Variants in DPP10 observed in about 807,000 individuals in gnomAD.
DPP10 encodes dipeptidyl peptidase like 10.
A neutral mutation model predicts 120.9 loss-of-function variants in DPP10; 33 were observed. That is an observed-to-expected ratio of 0.27 (90% confidence interval 0.21 to 0.37). DPP10 has a LOEUF of 0.37. Ranked by LOEUF, DPP10 falls within the 10% of genes least tolerant of loss-of-function variation. The pLI is 1.00. For synonymous variants in DPP10, 337 were observed against 326.1 expected, an observed-to-expected ratio of 1.03 and a Z score of -0.36; for missense variants, 816 against 942.8, an observed-to-expected ratio of 0.87 and a Z score of 1.76.
At chr2:115,136,045 A>G (rs1392393198) in intron 1 of DPP10, among the ~76,000 whole-genome samples, 1 of 152,100 alleles carries the variant, frequency 6.6e-6, no homozygotes, top group African/African-American at 2.4e-5. Context: ...ATTTGTTTAA[A>G]TTATTTATAT....
chr2:115,520,872 G>A (rs1034129652), intron 4 of DPP10, among the ~76,000 whole-genome samples: 16 of 152,146 alleles, frequency 1.1e-4, no homozygotes, highest in African/African-American at 3.9e-4. Flanking sequence ...TCTGACAAAA[G>A]TGAATCATTG....
Position 114,999,562 on chromosome 2 carries a change from G to C in DPP10, c.61-309677G>C, listed in dbSNP as rs568150305. Among the ~76,000 whole-genome samples, 5 of 152,274 alleles carry C rather than the reference G, an allele frequency of 3.3e-5. No individual in the cohort carries two copies. The East Asian group carries it at 7.7e-4, about 24-fold the overall frequency. ...TGTGCTCTGCAGCTGCATTAAAAATGTTCTCTTTCCTTGCTCACCTCCTGT... is the reference window on the plus strand; with the variant it reads ...TGTGCTCTGCAGCTGCATTAAAAATCTTCTCTTTCCTTGCTCACCTCCTGT... On this transcript the variant is annotated intron_variant, in intron 1 of 25. Coordinates refer to ENST00000410059, the MANE Select transcript of DPP10 (RefSeq NM_020868.6).
At chr2:115,760,156 A>T (rs572502996) in intron 11 of DPP10, among the ~76,000 whole-genome samples, 66 of 152,342 alleles carry the variant, frequency 4.3e-4, no homozygotes, top group African/African-American at 1.5e-3. Context: ...ATAGCTAAAA[A>T]GTAGAGACTA....
At chr2:114,817,992 A>G (rs1685777226) in intron 1 of DPP10, among the ~76,000 whole-genome samples, 1 of 152,224 alleles carries the variant, frequency 6.6e-6, no homozygotes, top group Non-Finnish European at 1.5e-5. Flanking sequence ...TTGAAGGATT[A>G]GAAAATACCT....
At chr2:115,441,817 CT>C (rs561102084) in intron 3 of DPP10, among the ~76,000 whole-genome samples, 13,874 of 124,338 alleles carry the variant, frequency 0.11, 1,104 homozygotes, top group African/African-American at 0.29. Flanking sequence ...TTCTTTCTTT[CT>C]TTTTTTTTTT....
At chr2:114,667,791 T>C (rs1158095931) in intron 1 of DPP10, among the ~76,000 whole-genome samples, 1 of 152,174 alleles carries the variant, frequency 6.6e-6, no homozygotes, top group Non-Finnish European at 1.5e-5. Flanking sequence ...AAGAATGCAA[T>C]CTAAGTTTAA....
At chr2:114,513,253 T>TG (rs1381218375) in intron 1 of DPP10, among the ~76,000 whole-genome samples, 1 of 152,168 alleles carries the variant, frequency 6.6e-6, no homozygotes, top group East Asian at 1.9e-4. Flanking sequence ...CTGGGCACGG[T>TG]GGCTAACGCC....
At chr2:114,649,696 A>G (rs1302341671) in intron 1 of DPP10, among the ~76,000 whole-genome samples, 1 of 152,168 alleles carries the variant, frequency 6.6e-6, no homozygotes, top group South Asian at 2.1e-4. Context: ...ACACTATTTT[A>G]TAGGATTTTA....
In DPP10 at chr2:114,519,868, C is replaced by T. The variant is rs148466963; in HGVS notation, c.60+77030C>T. 6.0e-4 allele frequency among the ~76,000 whole-genome samples: 91 copies of T among 152,254 alleles called. 1 individual carries two copies. Among genetic ancestry groups the T allele is most frequent in the African/African-American group, 2.2e-3 (90 of 41,554 alleles). On this transcript the variant is annotated intron_variant, in intron 1 of 25. Coordinates refer to ENST00000410059, the MANE Select transcript of DPP10 (RefSeq NM_020868.6). Reference sequence around the variant, plus strand: ...TGTTTTAGAAGTCTACAAAATATACCCTTACTCATTCACCTGTGGGATTTA... The same window carrying T: ...TGTTTTAGAAGTCTACAAAATATACTCTTACTCATTCACCTGTGGGATTTA...
At chr2:115,833,990 A>T (rs1169806219) in intron 21 of DPP10, among the ~76,000 whole-genome samples, 2 of 152,160 alleles carry the variant, frequency 1.3e-5, no homozygotes, top group African/African-American at 2.4e-5. Context: ...AAAATGGGCT[A>T]CTTCCAGATT....
intron 5 of DPP10, among the ~76,000 whole-genome samples, chr2:115,668,544 T>C (rs894067741): frequency 2.0e-5 from 3 of 152,108 alleles, no homozygotes; most frequent in African/African-American, 7.2e-5. Context: ...GGTACCCTAT[T>C]ATAGCAGCAG....
At chr2:114,455,254 G>A (rs1255830534) in intron 1 of DPP10, among the ~76,000 whole-genome samples, 4 of 150,682 alleles carry the variant, frequency 2.7e-5, no homozygotes, top group Admixed American at 6.6e-5. Flanking sequence ...TTTTAAAAAC[G>A]TAAATACAGG....
intron 1 of DPP10, among the ~76,000 whole-genome samples, chr2:114,624,510 C>T (rs189541107): frequency 6.6e-6 from 1 of 151,854 alleles, no homozygotes; most frequent in East Asian, 1.9e-4. Context: ...GGCTTCAAAC[C>T]CCATCTGTCA....
intron 1 of DPP10, among the ~76,000 whole-genome samples, chr2:114,684,343 A>G (rs1466397323): frequency 6.6e-6 from 1 of 151,968 alleles, no homozygotes; most frequent in East Asian, 1.9e-4. Flanking sequence ...TGTGGTGCTC[A>G]GTGTGACATG....
chr2:115,821,784 A>G (rs1408477526), intron 21 of DPP10, among the ~76,000 whole-genome samples: 1 of 151,980 alleles, frequency 6.6e-6, no homozygotes, highest in Non-Finnish European at 1.5e-5. Flanking sequence ...CCATTCACCT[A>G]CGGATGAACA....
At chr2:114,571,827 A>G (rs1427133007) in intron 1 of DPP10, among the ~76,000 whole-genome samples, 1 of 147,904 alleles carries the variant, frequency 6.8e-6, no homozygotes, top group African/African-American at 2.5e-5. Context: ...TATATTCTGT[A>G]TATGTAGTAT....
At chr2:114,721,014 A>C (rs1301968847) in intron 1 of DPP10, among the ~76,000 whole-genome samples, 1 of 151,948 alleles carries the variant, frequency 6.6e-6, no homozygotes, top group Admixed American at 6.5e-5. Context: ...AACAAGAAAC[A>C]CTTTTGAGGG....
intron 3 of DPP10, chr2:115,440,860 G>A (rs1339384212): frequency 6.6e-6 from 1 of 152,138 alleles, no homozygotes; most frequent in African/African-American, 2.4e-5. Flanking sequence ...AAAAATCCTG[G>A]GAACTTCATA....
chr2:115,548,355 G>T (rs1300971270), intron 5 of DPP10, among the ~76,000 whole-genome samples: 1 of 152,052 alleles, frequency 6.6e-6, no homozygotes, highest in Non-Finnish European at 1.5e-5. Context: ...CAAGTAACTC[G>T]AGTCCAGCAG....
Sources: allele counts gnomAD v4.1 joint callset (sites outside exome capture counted in the v4.1 genomes callset), GRCh38; gene constraint gnomAD v4.1.1; transcripts MANE v1.5; gene names NCBI Gene and HGNC (gene_info 2026-07-23, HGNC 2026-07-21).